GPC5: variants seen among roughly 807,000 people sequenced by gnomAD.
GPC5 encodes the protein glypican-5.
GPC5 carries 47 observed loss-of-function variants against 53.9 expected under a neutral mutation model. The observed-to-expected ratio is 0.87, with a 90% CI of 0.69 to 1.11. The LOEUF (loss-of-function observed/expected upper bound fraction) is 1.11, where lower values mean the gene tolerates loss of function less well. Among genes scored for constraint, GPC5 ranks in the 50% most tolerant of loss-of-function variants. The probability of loss-of-function intolerance (pLI) is 0.00; values close to 1 mark genes in which losing one functional copy is unlikely to be tolerated. For synonymous variants in GPC5, 286 were observed against 263.3 expected (o/e 1.09, Z -0.84); for missense variants, 748 against 713.1 (o/e 1.05, Z -0.56).
intron 7 of GPC5, among the ~76,000 whole-genome samples, chr13:92,770,370 G>A (rs1875564858): frequency 7.1e-6 from 1 of 141,664 alleles, no homozygotes; most frequent in South Asian, 2.2e-4. Context: ...AGCCATGATG[G>A]CACCACTGTA....
At chr13:92,141,811 T>A (rs2041833412) in intron 6 of GPC5, among the ~76,000 whole-genome samples, 1 of 152,136 alleles carries the variant, frequency 6.6e-6, no homozygotes, top group South Asian at 2.1e-4. Context: ...TCTAGGTTGT[T>A]GAGAGAACTC....
chr13:91,647,947 T>C (rs1054061333), intron 2 of GPC5, among the ~76,000 whole-genome samples: 3 of 152,210 alleles, frequency 2.0e-5, no homozygotes, highest in African/African-American at 4.8e-5. Flanking sequence ...TTGAGGCCAA[T>C]AATGAGAGCC....
intron 6 of GPC5, among the ~76,000 whole-genome samples, chr13:92,140,376 C>T (rs1422022498): frequency 3.3e-5 from 5 of 152,128 alleles, no homozygotes; most frequent in African/African-American, 4.8e-5. Context: ...TTTTTCTTGG[C>T]GTCATTTCTA....
chr13:92,631,298 A>G (rs1440518657), intron 7 of GPC5, among the ~76,000 whole-genome samples: 1 of 152,160 alleles, frequency 6.6e-6, no homozygotes, highest in Non-Finnish European at 1.5e-5. Flanking sequence ...TAAGTGTGCA[A>G]TATCATATTA....
chr13:91,673,972 C>T (rs1002883412), intron 2 of GPC5, among the ~76,000 whole-genome samples: 7 of 152,220 alleles, frequency 4.6e-5, no homozygotes, highest in Admixed American at 2.0e-4. Context: ...AAAATCCATT[C>T]GTCTACTAAC....
chr13:92,364,587 G>A (rs1419316547), intron 7 of GPC5, among the ~76,000 whole-genome samples: 7 of 151,434 alleles, frequency 4.6e-5, no homozygotes, highest in East Asian at 1.9e-4. Context: ...AAAATTAGCC[G>A]GGCGTGGTGG....
At chr13:91,711,950 T>C (rs1219232272) in intron 3 of GPC5, among the ~76,000 whole-genome samples, 2 of 152,164 alleles carry the variant, frequency 1.3e-5, no homozygotes, top group Non-Finnish European at 2.9e-5. Context: ...GAAGGATTGG[T>C]CATGCTGAAA....
chr13:92,580,502 T>G (rs1272553437), intron 7 of GPC5, among the ~76,000 whole-genome samples: 1 of 152,202 alleles, frequency 6.6e-6, no homozygotes, highest in African/African-American at 2.4e-5. Context: ...CTTGCACTGC[T>G]ATAAAGAAAC....
chr13:92,821,034 G>T (rs1877656327), intron 7 of GPC5, among the ~76,000 whole-genome samples: 1 of 152,054 alleles, frequency 6.6e-6, no homozygotes, highest in Non-Finnish European at 1.5e-5. Flanking sequence ...TAAGACTTGA[G>T]CTTTCTCTGC....
chr13:92,806,459 G>T (rs1319298453), intron 7 of GPC5, among the ~76,000 whole-genome samples: 1 of 151,876 alleles, frequency 6.6e-6, no homozygotes, highest in African/African-American at 2.4e-5. Flanking sequence ...CTTTTCCTTT[G>T]AATTCACAAC....
At chr13:92,145,230 A>G (rs1471222388) in intron 7 of GPC5, among the ~76,000 whole-genome samples, 1 of 152,150 alleles carries the variant, frequency 6.6e-6, no homozygotes, top group Non-Finnish European at 1.5e-5. Context: ...AACAATCACC[A>G]GTTCTGAGAA....
chr13:92,002,132 A>ATT (rs2040561299), intron 6 of GPC5, among the ~76,000 whole-genome samples: 1 of 151,932 alleles, frequency 6.6e-6, no homozygotes, highest in East Asian at 1.9e-4. Flanking sequence ...CTTTGGAACA[A>ATT]CTGACAAAAA....
Position 92,826,061 on chromosome 13 carries a change from T to C in GPC5, c.1562-40221T>C, listed in dbSNP as rs1318594340. On this transcript the variant is annotated intron_variant, in intron 7 of 7. Transcript: ENST00000377067. ...ATGCATATTTTTGTAGAAGACAGAA[T>C]TCTAAGATGACCTTCCATGCCGTTG... Among the ~76,000 whole-genome samples the C allele has an allele frequency of 5.3e-5, 8 of 152,278 alleles. 1 individual carries two copies. The highest frequency in any genetic ancestry group is 5.2e-4 in the Admixed American group (8 of 15,278).
chr13:92,842,911 G>A (rs1268996719), intron 7 of GPC5, among the ~76,000 whole-genome samples: 1 of 151,868 alleles, frequency 6.6e-6, no homozygotes. Flanking sequence ...CCATTTAGAT[G>A]GTCACTGAAA....
At chr13:92,736,363 C>T (rs1055274264) in intron 7 of GPC5, among the ~76,000 whole-genome samples, 1 of 151,958 alleles carries the variant, frequency 6.6e-6, no homozygotes, top group Non-Finnish European at 1.5e-5. Flanking sequence ...CTAGAGTTCT[C>T]TTTTATTGTA....
In GPC5 at chr13:92,252,962, C is replaced by T. The variant is rs145566040; in HGVS notation, c.1561+107973C>T. On this transcript the variant is annotated intron_variant, in intron 7 of 7. Transcript: ENST00000377067. ...ATGGGCATAAAAATACAGACATAGACGATCAAAGTAGAAGTGCAATGTGTC... is the reference window on the plus strand; with the variant it reads ...ATGGGCATAAAAATACAGACATAGATGATCAAAGTAGAAGTGCAATGTGTC... Among the ~76,000 whole-genome samples, 34 of 152,092 alleles carry T rather than the reference C, an allele frequency of 2.2e-4. No homozygotes were observed. The East Asian group carries it at 5.6e-3, about 25-fold the overall frequency.
At position 92,512,425 on chromosome 13, in the gene GPC5, G is replaced by T. The variant is rs181773336; in HGVS notation, c.1562-353857G>T. 9.9e-5 allele frequency among the ~76,000 whole-genome samples: 15 copies of T among 152,028 alleles called. No homozygotes were observed. In the East Asian group the frequency reaches 2.9e-3, roughly 29 times the overall value. ...AAAGCAACAAATAATAAGATTTTAA[G>T]GATAGTATGTGTGAACATTTCAATA... On this transcript the variant is annotated intron_variant, in intron 7 of 7. Coordinates refer to ENST00000377067, the MANE Select transcript of GPC5 (RefSeq NM_004466.6).
intron 2 of GPC5, among the ~76,000 whole-genome samples, chr13:91,623,037 AAGG>A (rs2033903275): frequency 6.6e-6 from 1 of 152,072 alleles, no homozygotes; most frequent in Non-Finnish European, 1.5e-5. Flanking sequence ...ATAGGGGAAG[AAGG>A]AGGAGGAGAG....
intron 7 of GPC5, among the ~76,000 whole-genome samples, chr13:92,422,943 G>C (rs1463315877): frequency 1.3e-5 from 2 of 152,100 alleles, no homozygotes; most frequent in Non-Finnish European, 2.9e-5. Flanking sequence ...GTTCCTTCAG[G>C]CTGTTTTAAC....
Sources: gnomAD v4.1 joint callset for allele counts (sites outside exome capture counted in the v4.1 genomes callset) on GRCh38, gnomAD v4.1.1 for gene constraint, MANE v1.5 for transcripts, NCBI Gene and HGNC (gene_info 2026-07-23, HGNC 2026-07-21) for gene names.